ZDHHC14: variants seen among roughly 807,000 people sequenced by gnomAD.
The protein encoded by ZDHHC14 is palmitoyltransferase ZDHHC14.
Under a neutral mutation model 47.7 loss-of-function variants are expected in ZDHHC14, and 16 were observed. The ratio of observed to expected loss-of-function variants is 0.34; its 90% CI spans 0.23 to 0.51. The LOEUF (loss-of-function observed/expected upper bound fraction) is 0.51. Among genes scored for constraint, ZDHHC14 ranks in the 20% least tolerant of loss-of-function variants. The probability of loss-of-function intolerance (pLI) is 0.97; values close to 1 mark genes in which losing one functional copy is unlikely to be tolerated. For missense variants in ZDHHC14, 515 were observed against 662.5 expected, an observed-to-expected ratio of 0.78 and a Z score of 2.44; for synonymous variants, 293 against 278.9, an observed-to-expected ratio of 1.05 and a Z score of -0.50.
At chr6:157,620,258 A>T (rs1785134567) in intron 3 of ZDHHC14, among the ~76,000 whole-genome samples, 1 of 152,158 alleles carries the variant, frequency 6.6e-6, no homozygotes, top group South Asian at 2.1e-4. Context: ...AACGCATCAC[A>T]TATGGCGAGG....
chr6:157,660,536 C>G (rs1002887139), intron 8 of ZDHHC14, among the ~76,000 whole-genome samples: 10 of 152,156 alleles, frequency 6.6e-5, no homozygotes, highest in Admixed American at 5.2e-4. Context: ...CTGAAAAGCC[C>G]TCAAGCTGGA....
chr6:157,440,190 T>TAAA (rs1479813449), intron 1 of ZDHHC14, among the ~76,000 whole-genome samples: 2 of 146,216 alleles, frequency 1.4e-5, no homozygotes, highest in East Asian at 4.2e-4. Flanking sequence ...ATAATAATAA[T>TAAA]AAAGAACACT....
chr6:157,426,999 T>C (rs1302037492), intron 1 of ZDHHC14, among the ~76,000 whole-genome samples: 1 of 151,946 alleles, frequency 6.6e-6, no homozygotes, highest in Non-Finnish European at 1.5e-5. Context: ...CTTAAGATAG[T>C]GTCTGGAGGA....
At position 157,677,951 on chromosome 6, in the gene ZDHHC14, A is replaced by AAAAAAAG. The variant is rs3056748; in HGVS notation, c.*4829_*4830insAAAAAAG. The AAAAAAAG allele has an allele frequency of 6.7e-6, 1 of 149,960 alleles. No homozygotes were observed. The allele number at this position is 149,960 out of a possible 1,614,324, so 9.3% of individuals were successfully genotyped here. A position where few individuals can be genotyped will look rare whatever the true frequency, so the allele number is the denominator to read the frequency against. On this transcript the variant is annotated 3_prime_UTR_variant, in exon 9 of 9. Coordinates refer to ENST00000359775, the MANE Select transcript of ZDHHC14 (RefSeq NM_024630.3). Reference sequence around the variant, plus strand: ...ACGTTTTGGCATGGAAAAAAAAAAAAGCATTTTAAACTCTTAGTGAATTCA... The same window carrying AAAAAAAG: ...ACGTTTTGGCATGGAAAAAAAAAAAAAAAAAAGGCATTTTAAACTCTTAGTGAATTCA...
At chr6:157,529,842 TG>T (rs1039525855) in intron 1 of ZDHHC14, among the ~76,000 whole-genome samples, 5 of 152,246 alleles carry the variant, frequency 3.3e-5, no homozygotes, top group African/African-American at 1.2e-4. Context: ...CCATGGGCTT[TG>T]ATGGCGGCCA....
intron 8 of ZDHHC14, among the ~76,000 whole-genome samples, chr6:157,669,282 C>A (rs1032879202): frequency 3.3e-5 from 5 of 150,752 alleles, no homozygotes; most frequent in Non-Finnish European, 7.4e-5. Flanking sequence ...GGAAAAGGGC[C>A]AGCAGCTGAT....
intron 2 of ZDHHC14, among the ~76,000 whole-genome samples, chr6:157,548,365 G>A (rs540714222): frequency 6.6e-6 from 1 of 152,140 alleles, no homozygotes; most frequent in Admixed American, 6.5e-5. Context: ...CCGGTGTGGG[G>A]GTCCTTGCTG....
At chr6:157,578,325 G>A (rs1191901114) in intron 2 of ZDHHC14, among the ~76,000 whole-genome samples, 1 of 152,104 alleles carries the variant, frequency 6.6e-6, no homozygotes, top group Non-Finnish European at 1.5e-5. Flanking sequence ...ATAGTTTTAG[G>A]TTTTACATTT....
At chr6:157,455,622 G>A (rs1380845557) in intron 1 of ZDHHC14, among the ~76,000 whole-genome samples, 1 of 152,170 alleles carries the variant, frequency 6.6e-6, no homozygotes, top group Non-Finnish European at 1.5e-5. Context: ...TCCTGTTGAG[G>A]GGCTGGTTAG....
intron 8 of ZDHHC14, among the ~76,000 whole-genome samples, chr6:157,654,946 G>C (rs947093838): frequency 2.6e-5 from 4 of 152,120 alleles, no homozygotes; most frequent in Admixed American, 2.6e-4. Context: ...TGTTGGCCAG[G>C]CTGGTCTCGA....
At chr6:157,451,420 C>T (rs952667462) in intron 1 of ZDHHC14, among the ~76,000 whole-genome samples, 3 of 152,216 alleles carry the variant, frequency 2.0e-5, no homozygotes, top group Middle Eastern at 3.2e-3. Flanking sequence ...AGTGTATCCC[C>T]AGGTCCTAAC....
chr6:157,654,037 A>T (rs976701535), intron 8 of ZDHHC14, among the ~76,000 whole-genome samples: 1 of 152,058 alleles, frequency 6.6e-6, no homozygotes, highest in African/African-American at 2.4e-5. Context: ...TCAAGCGTGC[A>T]GTGGCTGGTG....
At chr6:157,424,580 C>T (rs1313050438) in intron 1 of ZDHHC14, among the ~76,000 whole-genome samples, 3 of 152,174 alleles carry the variant, frequency 2.0e-5, no homozygotes, top group East Asian at 1.9e-4. Flanking sequence ...CGTGGTGCTT[C>T]GCTTGGCTAT....
chr6:157,528,711 G>A (rs928777479), intron 1 of ZDHHC14, among the ~76,000 whole-genome samples: 3 of 151,378 alleles, frequency 2.0e-5, no homozygotes, highest in Admixed American at 6.6e-5. Context: ...CAGACTGGGC[G>A]ACAGAGCAAG....
At chr6:157,461,977 T>A (rs1779098169) in intron 1 of ZDHHC14, among the ~76,000 whole-genome samples, 1 of 152,194 alleles carries the variant, frequency 6.6e-6, no homozygotes, top group Non-Finnish European at 1.5e-5. Flanking sequence ...GTAAAAAAAT[T>A]TTTTAAACCC....
At chr6:157,452,303 A>G (rs1209532706) in intron 1 of ZDHHC14, among the ~76,000 whole-genome samples, 1 of 151,456 alleles carries the variant, frequency 6.6e-6, no homozygotes, top group Non-Finnish European at 1.5e-5. Flanking sequence ...TCCATGTACC[A>G]CTTAAATCAC....
chr6:157,576,953 AG>A (rs934296355), intron 2 of ZDHHC14, among the ~76,000 whole-genome samples: 1 of 152,162 alleles, frequency 6.6e-6, no homozygotes, highest in Non-Finnish European at 1.5e-5. Flanking sequence ...TTTAGTGTAC[AG>A]ATTATTTCAT....
At chr6:157,491,989 G>C (rs1302727977) in intron 1 of ZDHHC14, among the ~76,000 whole-genome samples, 1 of 152,262 alleles carries the variant, frequency 6.6e-6, no homozygotes, top group Non-Finnish European at 1.5e-5. Context: ...CCCTACCACA[G>C]GCCGGCCAGG....
chr6:157,590,706 C>G (rs2114888367), intron 2 of ZDHHC14, among the ~76,000 whole-genome samples: 1 of 152,344 alleles, frequency 6.6e-6, no homozygotes, highest in African/African-American at 2.4e-5. Context: ...CACATAGAGT[C>G]CCCACTGGGG....
Sources: gnomAD v4.1 joint callset for allele counts (sites outside exome capture counted in the v4.1 genomes callset) on GRCh38, gnomAD v4.1.1 for gene constraint, MANE v1.5 for transcripts, NCBI Gene and HGNC (gene_info 2026-07-23, HGNC 2026-07-21) for gene names.